Variants in SMAD3 observed in about 807,000 individuals in gnomAD.
SMAD3 encodes the protein SMAD family member 3.
Under a neutral mutation model 51.8 loss-of-function variants are expected in SMAD3, and 12 were observed. The ratio of observed to expected loss-of-function variants is 0.23; its 90% CI spans 0.15 to 0.38. The LOEUF is 0.38. Among genes scored for constraint, SMAD3 ranks in the 10% least tolerant of loss-of-function variants. The pLI is 1.00. For synonymous variants in SMAD3, 238 were observed against 227.7 expected (o/e 1.05, Z -0.41); for missense variants, 294 against 565.6 (o/e 0.52, Z 4.87).
chr15:67,177,024 T>C (rs956304193), intron 5 of SMAD3, among the ~76,000 whole-genome samples: 11 of 152,228 alleles, frequency 7.2e-5, no homozygotes, highest in Admixed American at 3.3e-4. Context: ...AGAGGAGCCT[T>C]CTATAGAACT....
At chr15:67,067,707 T>C (rs557515752) in intron 1 of SMAD3, among the ~76,000 whole-genome samples, 1 of 152,084 alleles carries the variant, frequency 6.6e-6, no homozygotes, top group South Asian at 2.1e-4. Context: ...CGGACTTAAA[T>C]TTTTTTTAAC....
At chr15:67,068,816 G>T (rs1434817896) in intron 1 of SMAD3, among the ~76,000 whole-genome samples, 1 of 152,138 alleles carries the variant, frequency 6.6e-6, no homozygotes, top group Non-Finnish European at 1.5e-5. Context: ...TTGGGGAGGT[G>T]GCTGGTTTGG....
At chr15:67,170,523 G>A (rs754757198) in intron 4 of SMAD3, 31 bp from the exon 5 acceptor site, 1 of 1,601,440 alleles carries the variant, frequency 6.2e-7, no homozygotes, top group Non-Finnish European at 8.6e-7. Context: ...AGAATCTTTT[G>A]TGAAGTCTCA....
chr15:67,148,032 T>A (rs1362652538), intron 1 of SMAD3, among the ~76,000 whole-genome samples: 1 of 152,208 alleles, frequency 6.6e-6, no homozygotes, highest in Non-Finnish European at 1.5e-5. Flanking sequence ...ACATTTTTGA[T>A]TACTTATTTG....
intron 1 of SMAD3, among the ~76,000 whole-genome samples, chr15:67,102,623 C>A: frequency 6.6e-6 from 1 of 151,642 alleles, no homozygotes; most frequent in Non-Finnish European, 1.5e-5. Flanking sequence ...GGGAGCAAGA[C>A]CATCCAATGT....
intron 1 of SMAD3, among the ~76,000 whole-genome samples, chr15:67,104,440 CG>C (rs1005809497): frequency 1.3e-5 from 2 of 152,242 alleles, no homozygotes; most frequent in Admixed American, 6.5e-5. Flanking sequence ...CTGTGTTCCC[CG>C]GCATTCTGCA....
chr15:67,108,115 A>G (rs1960922564), intron 1 of SMAD3, among the ~76,000 whole-genome samples: 1 of 152,092 alleles, frequency 6.6e-6, no homozygotes, highest in African/African-American at 2.4e-5. Flanking sequence ...TGGGGTCTGC[A>G]CAGCGTCCTC....
At chr15:67,071,719 A>G (rs576813487) in intron 1 of SMAD3, among the ~76,000 whole-genome samples, 10 of 152,222 alleles carry the variant, frequency 6.6e-5, no homozygotes, top group Middle Eastern at 3.4e-3. Flanking sequence ...GGCTGAGGCA[A>G]GAGAATGGCG....
chr15:67,113,211 C>T (rs1012660039), intron 1 of SMAD3, among the ~76,000 whole-genome samples: 7 of 125,968 alleles, frequency 5.6e-5, no homozygotes, highest in East Asian at 3.1e-4. Flanking sequence ...AGCAGCCTCC[C>T]GAGTAGCTGG....
chr15:67,102,709 C>T (rs575110247), intron 1 of SMAD3, among the ~76,000 whole-genome samples: 5 of 151,872 alleles, frequency 3.3e-5, no homozygotes, highest in African/African-American at 9.7e-5. Flanking sequence ...CAGGGAGTGA[C>T]GTTGAATGGA....
In SMAD3 at chr15:67,076,741, G is replaced by A. The variant is rs149681445; in HGVS notation, c.206+10381G>A. On this transcript the variant is annotated intron_variant, in intron 1 of 8. Transcript: ENST00000327367. The stretch of plus-strand genomic sequence containing the variant: ...CAAGCACTTCCTTTTTCCAGATCAT[G>A]CTCAGAGGCCTGACCCTTCCAGTTC... Among the ~76,000 whole-genome samples, 848 of 152,322 alleles carry A rather than the reference G, an allele frequency of 5.6e-3. 7 individuals carry two copies. The highest frequency in any genetic ancestry group is 6.3e-3 in the Non-Finnish European group (428 of 68,030).
intron 1 of SMAD3, among the ~76,000 whole-genome samples, chr15:67,082,687 A>C (rs1032898358): frequency 3.3e-5 from 5 of 152,238 alleles, no homozygotes; most frequent in African/African-American, 1.2e-4. Context: ...TTCTGCAGAT[A>C]GGGAATACCC....
intron 1 of SMAD3, among the ~76,000 whole-genome samples, chr15:67,099,891 G>A (rs1444753503): frequency 1.3e-5 from 2 of 152,214 alleles, no homozygotes; most frequent in Non-Finnish European, 2.9e-5. Context: ...GCCAAGAAAT[G>A]AAGTACGTGG....
chr15:67,101,032 AC>A (rs1458560204), intron 1 of SMAD3, among the ~76,000 whole-genome samples: 1 of 152,136 alleles, frequency 6.6e-6, no homozygotes, highest in Non-Finnish European at 1.5e-5. Flanking sequence ...TGTCTGTCTC[AC>A]CCTGAGGTGA....
At chr15:67,166,438 G>A (rs1373978988) in intron 3 of SMAD3, 11 of 444,510 alleles carry the variant, frequency 2.5e-5, no homozygotes, top group South Asian at 1.1e-4. Context: ...GGGGTGAGGC[G>A]GAGGCAAGTC....
At chr15:67,184,654 G>T in intron 6 of SMAD3, 73 bp from the exon 7 acceptor site, 2 of 1,581,080 alleles carry the variant, frequency 1.3e-6, no homozygotes, top group Non-Finnish European at 1.7e-6. Flanking sequence ...CCTCCTTTGC[G>T]AGCCTCAGGT....
chr15:67,144,669 C>G (rs1052311805), intron 1 of SMAD3, among the ~76,000 whole-genome samples: 2 of 152,078 alleles, frequency 1.3e-5, no homozygotes, highest in African/African-American at 4.8e-5. Context: ...CACTAGTGCA[C>G]CATATCCTAC....
intron 1 of SMAD3, among the ~76,000 whole-genome samples, chr15:67,152,163 T>C (rs1250726772): frequency 6.6e-6 from 1 of 152,226 alleles, no homozygotes; most frequent in Admixed American, 6.5e-5. Context: ...TTTCAGCCTC[T>C]AGTATCTTCT....
chr15:67,123,188 CAAAA>C (rs34458678), intron 1 of SMAD3, among the ~76,000 whole-genome samples: 113 of 93,762 alleles, frequency 1.2e-3, no homozygotes, highest in African/African-American at 2.2e-3. Flanking sequence ...GACCCTGTCT[CAAAA>C]AAAAAAAAAA....
Sources: allele counts gnomAD v4.1 joint callset (sites outside exome capture counted in the v4.1 genomes callset), GRCh38; gene constraint gnomAD v4.1.1; transcripts MANE v1.5; gene names NCBI Gene and HGNC (gene_info 2026-07-23, HGNC 2026-07-21).